The following PCDH19 variants were observed in gnomAD, a reference collection of about 807,000 sequenced individuals.
The protein encoded by PCDH19 is protocadherin-19.
Under a neutral mutation model 46.2 loss-of-function variants are expected in PCDH19, and 6 were observed. The observed-to-expected ratio is 0.13, with a 90% CI of 0.07 to 0.26. The LOEUF (loss-of-function observed/expected upper bound fraction) is 0.26. Ranked by LOEUF, PCDH19 falls within the 10% of genes least tolerant of loss-of-function variation. The pLI is 1.00. For synonymous variants in PCDH19, 481 were observed against 415.7 expected, an observed-to-expected ratio of 1.16 and a Z score of -1.91; for missense variants, 740 against 972.3, an observed-to-expected ratio of 0.76 and a Z score of 3.18.
In PCDH19 at chrX:100,342,032, T is replaced by C; in HGVS notation, c.2719A>G (p.Ser907Gly). ...KDLEGNSLKD[S>G]GHEESDQTDS... ...GTTTGGTCACTCTCCTCATGTCCAC[T>C]ATCCTTCAGGCTGTTGCCCTCTAAG... is the stretch of plus-strand genomic sequence containing the variant. The change falls in exon 5 of 6, where the codon AGT (serine) becomes GGT (glycine). Residue 907 changes from serine to glycine, a missense_variant. By Grantham distance (56) the Ser-to-Gly change is moderately conservative. Around this residue, in one of 5 missense-constraint regions of PCDH19, gnomAD observed 416 missense variants for 476.8 expected, o/e 0.87. Transcript: ENST00000373034. 8.3e-7 allele frequency: 1 copy of C among 1,210,611 alleles called. No individual in the cohort carries two copies. Among genetic ancestry groups the C allele is most frequent in the Non-Finnish European group, 1.1e-6 (1 of 894,416 alleles).
In PCDH19 at chrX:100,342,033, A is replaced by G; in HGVS notation, c.2718T>C (p.Asp906=). 8.3e-7 allele frequency: 1 copy of G among 1,210,606 alleles called. No individual in the cohort carries two copies. Among genetic ancestry groups the G allele is most frequent in the East Asian group, 3.0e-5 (1 of 33,821 alleles). Reference sequence around the variant, plus strand: ...TTTGGTCACTCTCCTCATGTCCACTATCCTTCAGGCTGTTGCCCTCTAAGT... The same window carrying G: ...TTTGGTCACTCTCCTCATGTCCACTGTCCTTCAGGCTGTTGCCCTCTAAGT... The part of the protein sequence containing the change: ...FKDLEGNSLK[D]SGHEESDQTD... The change falls in exon 5 of 6, where the codon GAT becomes GAC. Residue 906 remains aspartate (D), a synonymous_variant. Transcript: ENST00000373034.
Position 100,407,232 on chromosome X carries a change from G to A in PCDH19, c.1366C>T (p.Pro456Ser). The change falls in exon 1 of 6, where the codon CCC becomes TCC. Residue 456 changes from proline to serine, a missense_variant. Pro to Ser is a moderately conservative substitution (Grantham distance 74, BLOSUM62 -1). Around this residue, in one of 5 missense-constraint regions of PCDH19, gnomAD observed 186 missense variants for 319.9 expected, o/e 0.58. Coordinates refer to ENST00000373034, the MANE Select transcript of PCDH19 (RefSeq NM_001184880.2). ...TCCTGCACAATGACCTGGTAGTAGG[G>A]CTTGGAAAAGTGCGGGTGGTTGTCA... is the stretch of plus-strand genomic sequence containing the variant. ...ENDNHPHFSK[P>S]YYQVIVQENN... is the part of the protein sequence containing the mutation. 8.3e-6 allele frequency: 10 copies of A among 1,211,679 alleles called. No homozygotes were observed. Among genetic ancestry groups the A allele is most frequent in the Non-Finnish European group, 1.1e-5 (10 of 895,511 alleles).
At chrX:100,346,925 C>G (rs1438117912) in intron 4 of PCDH19, among the ~76,000 whole-genome samples, 1 of 111,100 alleles carries the variant, frequency 9.0e-6, no homozygotes, top group Non-Finnish European at 1.9e-5. Flanking sequence ...CCACTGCTGG[C>G]TTTCCTTGCT....
chrX:100,381,692 G>A (rs1927556782), intron 3 of PCDH19, among the ~76,000 whole-genome samples: 1 of 112,127 alleles, frequency 8.9e-6, no homozygotes, highest in African/African-American at 3.2e-5. Flanking sequence ...TCTGTTTAGT[G>A]CAGAGAACCA....
At chrX:100,391,857 T>C (rs866536116) in intron 3 of PCDH19, among the ~76,000 whole-genome samples, 10 of 112,330 alleles carry the variant, frequency 8.9e-5, no homozygotes, top group Admixed American at 8.5e-4. Flanking sequence ...ACTGCAGATT[T>C]CTAGATGGTT....
intron 5 of PCDH19, among the ~76,000 whole-genome samples, chrX:100,325,720 G>T (rs1925676475): frequency 8.9e-6 from 1 of 112,192 alleles, no homozygotes; most frequent in African/African-American, 3.2e-5. Flanking sequence ...TTAGATTTTG[G>T]GGAAGGCAAA....
At position 100,296,138 on chromosome X, in the gene PCDH19, T is replaced by A; in HGVS notation, c.*139A>T. 1.9e-6 allele frequency: 1 copy of A among 540,220 alleles called. No homozygotes were observed. The highest frequency in any genetic ancestry group is 3.2e-6 in the Non-Finnish European group (1 of 310,668). 44.5% of individuals were successfully genotyped at this position (540,220 alleles called of 1,213,427 possible). On this transcript the variant is annotated 3_prime_UTR_variant, in exon 6 of 6. Transcript: ENST00000373034. Reference sequence around the variant, plus strand: ...ACAAGGGACTGTCACAGAATGATAATCACCTATAAACAATACATTTAGGAA... The same window carrying A: ...ACAAGGGACTGTCACAGAATGATAAACACCTATAAACAATACATTTAGGAA...
At chrX:100,354,662 T>C (rs1905171428) in intron 3 of PCDH19, among the ~76,000 whole-genome samples, 1 of 112,183 alleles carries the variant, frequency 8.9e-6, no homozygotes. Flanking sequence ...ACAGAAGAAA[T>C]ACATTCTTTA....
In PCDH19 at chrX:100,408,379, G is replaced by A; in HGVS notation, c.219C>T (p.Asp73=). The change falls in exon 1 of 6, where the codon GAC becomes GAT. Residue 73 remains aspartate, a synonymous_variant. Coordinates refer to ENST00000373034, the MANE Select transcript of PCDH19 (RefSeq NM_001184880.2). ...CCAGCAGGCCAGAGCTGGGATTGAT[G>A]TCCACTAGGTGTGGAGCCGAGTTGG... ...VVSNSAPHLV[D]INPSSGLLVT... 9 of 1,209,419 alleles carry A rather than the reference G, an allele frequency of 7.4e-6. No homozygotes were observed. Among genetic ancestry groups the A allele is most frequent in the Non-Finnish European group, 1.0e-5 (9 of 894,770 alleles).
intron 5 of PCDH19, among the ~76,000 whole-genome samples, chrX:100,340,707 T>C (rs1221152242): frequency 8.9e-6 from 1 of 112,041 alleles, no homozygotes; most frequent in Admixed American, 9.5e-5. Context: ...GGGGAGGGAA[T>C]GGATTAAGAC....
At chrX:100,340,916 G>C (rs1222474818) in intron 5 of PCDH19, among the ~76,000 whole-genome samples, 1 of 111,871 alleles carries the variant, frequency 8.9e-6, no homozygotes, top group Admixed American at 9.5e-5. Flanking sequence ...TTTAGCAGTA[G>C]GGCTTCCAGC....
intron 3 of PCDH19, among the ~76,000 whole-genome samples, chrX:100,401,832 C>T (rs1184524998): frequency 9.1e-6 from 1 of 110,434 alleles, no homozygotes; most frequent in Non-Finnish European, 1.9e-5. Flanking sequence ...CCAGGCTCAA[C>T]CGATTCTCCT....
In PCDH19 at chrX:100,355,410, T is replaced by C. The variant is rs770228845; in HGVS notation, c.2617-4706A>G. Among the ~76,000 whole-genome samples, 3 of 112,037 alleles carry C rather than the reference T, an allele frequency of 2.7e-5. No homozygotes were observed. The South Asian group carries it at 1.1e-3, about 42-fold the overall frequency. ...TGGTTTTTTTCTTGTCTTTAATTTT[T>C]AACATAGGATCGTCACCAACCTTCT... On this transcript the variant is annotated intron_variant, in intron 3 of 5. Transcript: ENST00000373034.
intron 3 of PCDH19, among the ~76,000 whole-genome samples, chrX:100,354,156 C>A (rs989934863): frequency 2.7e-5 from 3 of 111,890 alleles, no homozygotes; most frequent in African/African-American, 9.8e-5. Flanking sequence ...ATCAAGTGTT[C>A]TAGCTCATAC....
At chrX:100,389,059 T>C (rs1050799961) in intron 3 of PCDH19, among the ~76,000 whole-genome samples, 20 of 111,670 alleles carry the variant, frequency 1.8e-4, no homozygotes, top group African/African-American at 6.5e-4. Flanking sequence ...GTTTGTCTTT[T>C]CATTGTTTTG....
At chrX:100,378,726 C>T (rs976215826) in intron 3 of PCDH19, among the ~76,000 whole-genome samples, 1 of 112,391 alleles carries the variant, frequency 8.9e-6, no homozygotes, top group Non-Finnish European at 1.9e-5. Flanking sequence ...ATTAGCACTA[C>T]GGGCAGATAA....
chrX:100,304,923 T>C lies in PCDH19; in HGVS notation c.2849-8048A>G, dbSNP rs188611380. 2.7e-5 allele frequency among the ~76,000 whole-genome samples: 3 copies of C among 112,395 alleles called. No individual in the cohort carries two copies. In the East Asian group the frequency reaches 8.4e-4, roughly 31 times the overall value. On this transcript the variant is annotated intron_variant, in intron 5 of 5. Transcript: ENST00000373034. ...ACAAAACCTCCAAGAAGTTTGGGACTATGTTAAGCATCCAAACCAAAGAAT... is the reference window on the plus strand; with the variant it reads ...ACAAAACCTCCAAGAAGTTTGGGACCATGTTAAGCATCCAAACCAAAGAAT...
intron 3 of PCDH19, among the ~76,000 whole-genome samples, chrX:100,382,844 A>G (rs185716745): frequency 1.5e-3 from 168 of 112,059 alleles, no homozygotes; most frequent in African/African-American, 5.2e-3. Context: ...CTCCCACTTC[A>G]CATTTGAACT....
chrX:100,303,322 A>G (rs897699045), intron 5 of PCDH19, among the ~76,000 whole-genome samples: 1 of 110,503 alleles, frequency 9.0e-6, no homozygotes, highest in Non-Finnish European at 1.9e-5. Flanking sequence ...AGGAAGGAAA[A>G]AAGGAAGGAA....
Sources: gnomAD v4.1 joint callset for allele counts (sites outside exome capture counted in the v4.1 genomes callset) on GRCh38, gnomAD v4.1.1 for gene constraint, gnomAD v4.1.1 regional missense constraint, MANE v1.5 for transcripts, NCBI Gene and HGNC (gene_info 2026-07-23, HGNC 2026-07-21) for gene names.